Variants in STIMATE observed in about 807,000 individuals in gnomAD.
The protein encoded by STIMATE is store-operated calcium entry regulator STIMATE.
In STIMATE, 15 loss-of-function variants were observed where a neutral mutation model predicts 36.7. That is an observed-to-expected ratio of 0.41 (90% CI 0.27 to 0.63). The LOEUF (loss-of-function observed/expected upper bound fraction) is 0.63. STIMATE is among the 20% of genes least tolerant of loss of function. The pLI, the probability that STIMATE is intolerant of heterozygous loss-of-function variation, is 0.32. For missense variants in STIMATE, 305 were observed against 397.3 expected, an observed-to-expected ratio of 0.77 and a Z score of 1.98; for synonymous variants, 163 against 162.3, an observed-to-expected ratio of 1.00 and a Z score of -0.03.
At chr3:52,852,778 C>T (rs1701028431) in intron 2 of STIMATE, 80 bp from the exon 3 acceptor site, 1 of 1,562,636 alleles carries the variant, frequency 6.4e-7, no homozygotes, top group Non-Finnish European at 8.7e-7. Context: ...AAGACTGAAA[C>T]AGGAAGAAAG....
chr3:52,847,383 C>G, intron 4 of STIMATE: 1 of 1,263,242 alleles, frequency 7.9e-7, no homozygotes. Context: ...GGCAGCAAGA[C>G]CCATGAAGCA....
intron 1 of STIMATE, among the ~76,000 whole-genome samples, chr3:52,877,804 G>C (rs534056935): frequency 5.6e-4 from 86 of 152,272 alleles, no homozygotes; most frequent in African/African-American, 1.9e-3. Context: ...CATTAAGATA[G>C]GTAATCACTG....
chr3:52,858,697 T>C (rs140172293), intron 1 of STIMATE, among the ~76,000 whole-genome samples: 96 of 152,302 alleles, frequency 6.3e-4, no homozygotes, highest in African/African-American at 2.1e-3. Context: ...TAATCTGCAA[T>C]GAATGCACTG....
rs763623867 is a variant in STIMATE at position 52,842,829 on chromosome 3, G to T, written c.750C>A (p.His250Gln). ...SKVRYRRAAS[H>Q]EESESEILIS... is the part of the protein sequence containing the mutation. ...GCCCTACCTCAGACTCAGACTCCTCGTGGGATGCGGCCCTCCGGTAGCGGA... is the reference window on the plus strand; with the variant it reads ...GCCCTACCTCAGACTCAGACTCCTCTTGGGATGCGGCCCTCCGGTAGCGGA... The change falls in exon 7 of 8, where the codon CAC (histidine) becomes CAA (glutamine). Residue 250 changes from histidine (H) to glutamine (Q), a missense_variant. Physicochemically the swap from His to Gln is conservative, Grantham distance 24. Coordinates refer to ENST00000355083, the MANE Select transcript of STIMATE (RefSeq NM_198563.5). The T allele has an allele frequency of 6.2e-7, 1 of 1,614,224 alleles. No individual in the cohort carries two copies. Among genetic ancestry groups the T allele is most frequent in the African/African-American group, 1.3e-5 (1 of 75,068 alleles).
chr3:52,860,512 G>C (rs974612102), intron 1 of STIMATE, among the ~76,000 whole-genome samples: 1 of 152,080 alleles, frequency 6.6e-6, no homozygotes, highest in Non-Finnish European at 1.5e-5. Flanking sequence ...GAGAACCCAG[G>C]CTAAGAGCTC....
intron 4 of STIMATE, among the ~76,000 whole-genome samples, chr3:52,847,730 C>T (rs1294283529): frequency 6.6e-6 from 1 of 152,148 alleles, no homozygotes; most frequent in Non-Finnish European, 1.5e-5. Flanking sequence ...TGTAGCATCA[C>T]ATAGCAAAGG....
At chr3:52,896,477 C>G (rs1701867287) in intron 1 of STIMATE, among the ~76,000 whole-genome samples, 1 of 152,188 alleles carries the variant, frequency 6.6e-6, no homozygotes, top group Non-Finnish European at 1.5e-5. Flanking sequence ...CCCCACCCCC[C>G]ATCAGCACAC....
At position 52,849,829 on chromosome 3, in the gene STIMATE, C is replaced by T. The variant is rs1700967462; in HGVS notation, c.390G>A (p.Glu130=). 1 of 1,613,600 alleles carries T rather than the reference C, an allele frequency of 6.2e-7. No individual in the cohort carries two copies. The highest frequency in any genetic ancestry group is 8.5e-7 in the Non-Finnish European group (1 of 1,180,036). Reference sequence around the variant, plus strand: ...AGCGCAGGGACTCCCACTGCTGCCACTCTACCAGGACGCTGACGGCGCGCA... The same window carrying T: ...AGCGCAGGGACTCCCACTGCTGCCATTCTACCAGGACGCTGACGGCGCGCA... ...VGVRAVSVLV[E]WQQWESLRFG... is the part of the protein sequence containing the mutation. Residue 130 remains glutamate, a synonymous_variant, in exon 4 of 8, where the codon GAG becomes GAA. Coordinates refer to ENST00000355083, the MANE Select transcript of STIMATE (RefSeq NM_198563.5).
intron 1 of STIMATE, among the ~76,000 whole-genome samples, chr3:52,893,654 A>AT (rs1247476983): frequency 6.6e-6 from 1 of 152,098 alleles, no homozygotes. Context: ...CTGGTTTGTG[A>AT]TTTTTACTTT....
At chr3:52,841,535 G>C (rs910510363) in intron 7 of STIMATE, among the ~76,000 whole-genome samples, 3 of 152,198 alleles carry the variant, frequency 2.0e-5, no homozygotes, top group Non-Finnish European at 4.4e-5. Flanking sequence ...CCTAGGTTGG[G>C]ATCAGGAGGT....
At chr3:52,843,243 T>A in intron 6 of STIMATE, 1 of 490,434 alleles carries the variant, frequency 2.0e-6, no homozygotes, top group Non-Finnish European at 3.5e-6. Flanking sequence ...GGAAGCAAGG[T>A]CTCTGGACAC....
chr3:52,865,903 C>T lies in STIMATE; in HGVS notation c.161-10459G>A, dbSNP rs1308216451. 1.3e-4 allele frequency among the ~76,000 whole-genome samples: 19 copies of T among 149,066 alleles called. No homozygotes were observed. The South Asian group carries it at 3.0e-3, about 23-fold the overall frequency. On this transcript the variant is annotated intron_variant, in intron 1 of 7. Coordinates refer to ENST00000355083, the MANE Select transcript of STIMATE (RefSeq NM_198563.5). ...AGATCTGTGTGTGTGTGTGTAGGGG[C>T]GGTGGGGGGACACAAACCGTCACAT...
intron 5 of STIMATE, 32 bp from the exon 6 acceptor site, chr3:52,843,830 G>C: frequency 1.3e-6 from 2 of 1,598,436 alleles, no homozygotes; most frequent in East Asian, 2.3e-5. Flanking sequence ...GTGAGGTAGG[G>C]AGAGGCCACC....
intron 1 of STIMATE, among the ~76,000 whole-genome samples, chr3:52,890,254 A>G (rs1299071490): frequency 3.3e-5 from 5 of 152,228 alleles, no homozygotes; most frequent in Admixed American, 6.5e-5. Flanking sequence ...CGTCAAGGAA[A>G]CATCCAATAG....
At chr3:52,866,151 C>T (rs544805783) in intron 1 of STIMATE, among the ~76,000 whole-genome samples, 5 of 152,340 alleles carry the variant, frequency 3.3e-5, no homozygotes, top group Admixed American at 2.0e-4. Flanking sequence ...AAGCTATGTG[C>T]GGCTTATTCT....
chr3:52,868,549 G>A (rs1701350035), intron 1 of STIMATE, among the ~76,000 whole-genome samples: 1 of 152,204 alleles, frequency 6.6e-6, no homozygotes. Flanking sequence ...TCACTGTGGG[G>A]AGAAGAGCAG....
At chr3:52,854,133 A>G (rs1008965085) in intron 2 of STIMATE, among the ~76,000 whole-genome samples, 8 of 152,218 alleles carry the variant, frequency 5.3e-5, no homozygotes, top group African/African-American at 1.9e-4. Context: ...CTCCTAAAAC[A>G]CTTGTAATCT....
intron 1 of STIMATE, among the ~76,000 whole-genome samples, chr3:52,867,964 C>G (rs1373326783): frequency 1.3e-5 from 2 of 152,204 alleles, no homozygotes; most frequent in Non-Finnish European, 2.9e-5. Flanking sequence ...CCCAGGCCCC[C>G]TCTCCACAAT....
chr3:52,859,531 A>AAAATTTT (rs748928249), intron 1 of STIMATE, among the ~76,000 whole-genome samples: 20 of 18,826 alleles, frequency 1.1e-3, no homozygotes, highest in Non-Finnish European at 1.5e-3. Flanking sequence ...AAAAAAAAAA[A>AAAATTTT]TTTTTTTTTT....
Sources: gnomAD v4.1 joint callset for allele counts (sites outside exome capture counted in the v4.1 genomes callset) on GRCh38, gnomAD v4.1.1 for gene constraint, MANE v1.5 for transcripts, NCBI Gene and HGNC (gene_info 2026-07-23, HGNC 2026-07-21) for gene names.